Variants in BCO1 observed in about 807,000 individuals in gnomAD.
The protein encoded by BCO1 is beta,beta-carotene 15,15'-dioxygenase.
Under a neutral mutation model 56.3 loss-of-function variants are expected in BCO1, and 54 were observed. The observed-to-expected ratio is 0.96, with a 90% confidence interval of 0.77 to 1.20. BCO1 has a LOEUF of 1.20. Ranked by LOEUF, BCO1 falls within the 50% of genes most tolerant of loss-of-function variation. BCO1 has a pLI of 0.00. For synonymous variants in BCO1, 318 were observed against 266.1 expected (o/e 1.20, Z -1.90); for missense variants, 801 against 690.9 (o/e 1.16, Z -1.79).
At position 81,273,885 on chromosome 16, in the gene BCO1, C is replaced by T. The variant is rs137962093; in HGVS notation, c.1101+3469C>T. Among the ~76,000 whole-genome samples the T allele has an allele frequency of 5.3e-5, 8 of 152,334 alleles. No individual in the cohort carries two copies. In the East Asian group the frequency reaches 1.5e-3, roughly 29 times the overall value. Reference sequence around the variant, plus strand: ...GCATTAAAGACATCGTGGCACCGCACTGAGACTCTCCTTGACCTAGTCAGA... The same window carrying T: ...GCATTAAAGACATCGTGGCACCGCATTGAGACTCTCCTTGACCTAGTCAGA... On this transcript the variant is annotated intron_variant, in intron 7 of 10. Transcript: ENST00000258168.
At chr16:81,279,655 G>A (rs201112963) in intron 7 of BCO1, among the ~76,000 whole-genome samples, 1 of 152,154 alleles carries the variant, frequency 6.6e-6, no homozygotes, top group South Asian at 2.1e-4. Flanking sequence ...CAACTGACTT[G>A]CTCAAGGCCC....
chr16:81,286,521 C>T (rs1483965510), intron 9 of BCO1, among the ~76,000 whole-genome samples: 1 of 152,082 alleles, frequency 6.6e-6, no homozygotes, highest in Non-Finnish European at 1.5e-5. Flanking sequence ...ATTTATTTAA[C>T]TCATATAAAA....
At chr16:81,271,077 G>A (rs1011013303) in intron 7 of BCO1, among the ~76,000 whole-genome samples, 2 of 151,092 alleles carry the variant, frequency 1.3e-5, no homozygotes, top group Non-Finnish European at 1.5e-5. Flanking sequence ...TTATTGAGAT[G>A]TAATTGACAC....
At chr16:81,241,436 T>C (rs1456162107) in intron 1 of BCO1, among the ~76,000 whole-genome samples, 1 of 152,242 alleles carries the variant, frequency 6.6e-6, no homozygotes, top group Non-Finnish European at 1.5e-5. Context: ...ACATGAATTC[T>C]AGAACACGAG....
At position 81,290,472 on chromosome 16, in the gene BCO1, C is replaced by G. The variant is rs368392677; in HGVS notation, c.1539C>G (p.Leu513=). ...ASVDVDMHMD[L]HGLFITDMDW... ...TTGATGTCGATATGCACATGGATCT[C>G]CATGGATTATTCATTACAGACATGG... The change falls in exon 11 of 11, where the codon CTC becomes CTG. Residue 513 remains leucine (L), a synonymous_variant. Transcript: ENST00000258168. The G allele has an allele frequency of 6.2e-7, 1 of 1,614,042 alleles. No homozygotes were observed. The highest frequency in any genetic ancestry group is 1.3e-5 in the African/African-American group (1 of 74,906).
intron 1 of BCO1, among the ~76,000 whole-genome samples, chr16:81,243,854 A>T (rs1313370035): frequency 6.6e-6 from 1 of 152,240 alleles, no homozygotes; most frequent in Admixed American, 6.5e-5. Context: ...CCCAAGAAAC[A>T]TCAGGAGGAA....
chr16:81,239,330 T>G (rs944796797), intron 1 of BCO1, among the ~76,000 whole-genome samples: 8 of 152,186 alleles, frequency 5.3e-5, no homozygotes, highest in African/African-American at 1.9e-4. Flanking sequence ...TCCTTGTGTT[T>G]AGATGGACAC....
chr16:81,257,319 CA>C (rs1309425554), intron 2 of BCO1, among the ~76,000 whole-genome samples: 3 of 152,058 alleles, frequency 2.0e-5, no homozygotes, highest in Non-Finnish European at 4.4e-5. Flanking sequence ...GGCTATAGGG[CA>C]GTGGCGCGAT....
intron 6 of BCO1, among the ~76,000 whole-genome samples, chr16:81,269,218 C>A (rs576602717): frequency 6.6e-6 from 1 of 151,942 alleles, no homozygotes; most frequent in African/African-American, 2.4e-5. Flanking sequence ...TCCCATCCAC[C>A]CCCACGTCTG....
In BCO1 at chr16:81,270,272, C is replaced by T. The variant is rs760214158; in HGVS notation, c.957C>T (p.Ile319=). Residue 319 remains isoleucine (I), a synonymous_variant, in exon 7 of 11, where the codon ATC becomes ATT. Transcript: ENST00000258168. The stretch of plus-strand genomic sequence containing the variant: ...ACGCCTACGAAGAGGACGGCTGCAT[C>T]GTGTTTGACGTCATTGCCTACGAGG... The part of the protein sequence containing the change: ...HVNAYEEDGC[I]VFDVIAYEDN... 5.0e-6 allele frequency: 8 copies of T among 1,614,070 alleles called. No individual in the cohort carries two copies. Among genetic ancestry groups the T allele is most frequent in the Admixed American group, 3.3e-5 (2 of 60,002 alleles).
chr16:81,276,986 G>A (rs1263665652), intron 7 of BCO1, among the ~76,000 whole-genome samples: 2 of 143,378 alleles, frequency 1.4e-5, no homozygotes, highest in African/African-American at 5.2e-5. Flanking sequence ...GGAACTGCTC[G>A]AACCCGGGAG....
intron 1 of BCO1, 61 bp downstream of exon 1, chr16:81,239,033 T>TG: frequency 5.8e-6 from 8 of 1,377,680 alleles, no homozygotes; most frequent in Non-Finnish European, 7.0e-6. Context: ...TTTTTTTTTT[T>TG]TGAGGCGGAG....
intron 2 of BCO1, among the ~76,000 whole-genome samples, chr16:81,251,549 G>A (rs769215646): frequency 6.6e-6 from 1 of 151,924 alleles, no homozygotes; most frequent in Non-Finnish European, 1.5e-5. Context: ...GACAGAGTGA[G>A]ACTTCATCTA....
chr16:81,259,599 C>G (rs1906355229), intron 2 of BCO1, 77 bp from the exon 3 acceptor site: 1 of 1,592,778 alleles, frequency 6.3e-7, no homozygotes, highest in Non-Finnish European at 8.6e-7. Flanking sequence ...CCCAGTAAAA[C>G]CCATACAAGG....
intron 7 of BCO1, among the ~76,000 whole-genome samples, chr16:81,280,255 G>A (rs972755562): frequency 3.6e-4 from 42 of 116,470 alleles, no homozygotes; most frequent in African/African-American, 1.3e-3. Flanking sequence ...GGGCAACAGA[G>A]TGAGACTCCA....
intron 2 of BCO1, among the ~76,000 whole-genome samples, chr16:81,251,415 C>T (rs563932172): frequency 2.6e-4 from 39 of 152,118 alleles, no homozygotes; most frequent in African/African-American, 7.7e-4. Flanking sequence ...AAAAAGTTAT[C>T]CAGGCGTGGT....
At chr16:81,273,110 C>T (rs1253522018) in intron 7 of BCO1, among the ~76,000 whole-genome samples, 4 of 152,180 alleles carry the variant, frequency 2.6e-5, no homozygotes, top group Non-Finnish European at 5.9e-5. Context: ...GCTGGGATTA[C>T]AGGCATGTGC....
At chr16:81,247,292 T>G (rs10871410) in intron 2 of BCO1, among the ~76,000 whole-genome samples, 59,740 of 151,888 alleles carry the variant, frequency 0.39, 11,957 homozygotes, top group Middle Eastern at 0.49. Context: ...CATCCTCCCC[T>G]GGAGAGCTGT....
At chr16:81,256,119 T>A (rs1157093093) in intron 2 of BCO1, among the ~76,000 whole-genome samples, 1 of 148,764 alleles carries the variant, frequency 6.7e-6, no homozygotes, top group Non-Finnish European at 1.5e-5. Context: ...CATGGCCGAT[T>A]TTTTTTTTTT....
Sources: allele counts gnomAD v4.1 joint callset (sites outside exome capture counted in the v4.1 genomes callset), GRCh38; gene constraint gnomAD v4.1.1; transcripts MANE v1.5; gene names NCBI Gene and HGNC (gene_info 2026-07-23, HGNC 2026-07-21).